Variants in GRIK2 observed in about 807,000 individuals in gnomAD.
GRIK2 encodes glutamate receptor ionotropic, kainate 2.
In GRIK2, 32 loss-of-function variants were observed where a neutral mutation model predicts 100.3. The observed-to-expected ratio is 0.32, with a 90% CI of 0.24 to 0.43. GRIK2 has a LOEUF of 0.43. Among genes scored for constraint, GRIK2 ranks in the 20% least tolerant of loss-of-function variants. The pLI, the probability that GRIK2 is intolerant of heterozygous loss-of-function variation, is 1.00. For missense variants in GRIK2, 843 were observed against 1,114.9 expected (o/e 0.76, Z 3.47); for synonymous variants, 417 against 389.4 (o/e 1.07, Z -0.83).
At chr6:102,040,130 TAGAG>T (rs1770487838) in intron 15 of GRIK2, among the ~76,000 whole-genome samples, 1 of 151,458 alleles carries the variant, frequency 6.6e-6, no homozygotes, top group Admixed American at 6.6e-5. Context: ...AGTCATATAA[TAGAG>T]AATTACTGAA....
intron 2 of GRIK2, among the ~76,000 whole-genome samples, chr6:101,425,958 T>G (rs1461611528): frequency 6.6e-6 from 1 of 152,190 alleles, no homozygotes; most frequent in Non-Finnish European, 1.5e-5. Flanking sequence ...CCTCGTGAAT[T>G]TCCTTTTTGT....
chr6:101,486,160 C>A (rs1378660181), intron 2 of GRIK2, among the ~76,000 whole-genome samples: 2 of 151,948 alleles, frequency 1.3e-5, no homozygotes, highest in Admixed American at 1.3e-4. Context: ...AGTCTCCTCT[C>A]CCTAGAATAT....
chr6:101,800,410 G>A (rs889200848), intron 8 of GRIK2, among the ~76,000 whole-genome samples: 2 of 151,746 alleles, frequency 1.3e-5, no homozygotes, highest in African/African-American at 4.8e-5. Flanking sequence ...ATACAAATAT[G>A]TATACGTATA....
chr6:101,904,512 A>G (rs1381462811), intron 12 of GRIK2, among the ~76,000 whole-genome samples: 1 of 151,512 alleles, frequency 6.6e-6, no homozygotes, highest in Non-Finnish European at 1.5e-5. Flanking sequence ...TGGTCTTAGG[A>G]CAACCTGTTA....
chr6:101,549,955 C>G (rs757005606), intron 2 of GRIK2, among the ~76,000 whole-genome samples: 17 of 152,294 alleles, frequency 1.1e-4, no homozygotes, highest in Admixed American at 2.0e-4. Context: ...GCACCCAAGC[C>G]TCTGTCTCCA....
intron 7 of GRIK2, among the ~76,000 whole-genome samples, chr6:101,710,687 C>G (rs1015630232): frequency 6.6e-6 from 1 of 151,926 alleles, no homozygotes; most frequent in African/African-American, 2.4e-5. Context: ...TCCACTGTTT[C>G]AATCCTACAG....
intron 2 of GRIK2, among the ~76,000 whole-genome samples, chr6:101,603,355 T>G (rs1412215646): frequency 6.6e-6 from 1 of 151,668 alleles, no homozygotes; most frequent in Non-Finnish European, 1.5e-5. Flanking sequence ...GATAGAAGTA[T>G]GAGCTGGTGG....
chr6:101,496,214 T>C (rs1773436713), intron 2 of GRIK2, among the ~76,000 whole-genome samples: 1 of 152,174 alleles, frequency 6.6e-6, no homozygotes, highest in Non-Finnish European at 1.5e-5. Flanking sequence ...CCCAAAGTGC[T>C]GGGGTTACAG....
At chr6:101,724,810 G>A (rs1449638720) in intron 7 of GRIK2, among the ~76,000 whole-genome samples, 1 of 151,976 alleles carries the variant, frequency 6.6e-6, no homozygotes, top group Non-Finnish European at 1.5e-5. Flanking sequence ...TAAGTGATAT[G>A]CCTGAAAAAT....
chr6:102,044,848 A>G lies in GRIK2; in HGVS notation c.2311+9282A>G, dbSNP rs528031887. On this transcript the variant is annotated intron_variant, in intron 15 of 16. Transcript: ENST00000369134. ...TTTTCTGGTTGAATTCTCTCATCCA[A>G]ATAAATTTCTTATGCTGACCTTTTC... Among the ~76,000 whole-genome samples, 17 of 152,038 alleles carry G rather than the reference A, an allele frequency of 1.1e-4. No homozygotes were observed. The South Asian group carries it at 3.5e-3, about 32-fold the overall frequency.
intron 7 of GRIK2, among the ~76,000 whole-genome samples, chr6:101,752,090 C>G (rs183162831): frequency 6.6e-6 from 1 of 152,292 alleles, no homozygotes; most frequent in East Asian, 1.9e-4. Flanking sequence ...TTATTTACCA[C>G]TTTTCAAAAT....
At chr6:101,466,253 G>A (rs1771639050) in intron 2 of GRIK2, among the ~76,000 whole-genome samples, 1 of 151,816 alleles carries the variant, frequency 6.6e-6, no homozygotes, top group Non-Finnish European at 1.5e-5. Context: ...AAGAAGCACA[G>A]TTATAGTTTA....
rs772135315 is a variant in GRIK2, at chr6:101,626,434, C to T, written c.338C>T (p.Ser113Leu). The change falls in exon 4 of 17, where the codon TCA becomes TTA. Residue 113 changes from serine to leucine, a missense_variant. Physicochemically the swap from Ser to Leu is moderately radical, Grantham distance 145. Coordinates refer to ENST00000369134, the MANE Select transcript of GRIK2 (RefSeq NM_021956.5). ...VAAIFGPSHSSSANAVQSICN... is the reference protein window; with the variant it reads ...VAAIFGPSHSLSANAVQSICN... ...GCCATCTTCGGGCCTTCACACAGCT[C>T]ATCAGCAAACGCAGTGCAGTCCATC... 13 of 1,613,752 alleles carry T rather than the reference C, an allele frequency of 8.1e-6. No homozygotes were observed. Among genetic ancestry groups the T allele is most frequent in the Non-Finnish European group, 1.1e-5 (13 of 1,179,808 alleles).
intron 2 of GRIK2, among the ~76,000 whole-genome samples, chr6:101,402,207 C>G (rs1213571392): frequency 2.0e-5 from 3 of 152,120 alleles, no homozygotes; most frequent in African/African-American, 7.2e-5. Flanking sequence ...CCGCGCTTCC[C>G]TCTCCCTCTC....
chr6:101,510,599 T>C lies in GRIK2; in HGVS notation c.115+111207T>C, dbSNP rs529668120. Among the ~76,000 whole-genome samples the C allele has an allele frequency of 2.2e-5, 3 of 134,350 alleles. No homozygotes were observed. The East Asian group carries it at 7.8e-4, about 35-fold the overall frequency. The allele number at this position is 134,350 out of a possible 152,430, so 88.1% of individuals were successfully genotyped here. ...GTGCAGTGGCATGATCTCGGCTCAA[T>C]GCAACCTCTTCCTCCTGGGTTCAAG... On this transcript the variant is annotated intron_variant, in intron 2 of 16. Transcript: ENST00000369134.
chr6:101,888,133 C>T (rs1027903095), intron 11 of GRIK2, among the ~76,000 whole-genome samples: 4 of 152,120 alleles, frequency 2.6e-5, no homozygotes, highest in Non-Finnish European at 5.9e-5. Flanking sequence ...CCCTTTCCAT[C>T]TGTACAAATT....
chr6:101,431,180 C>T, intron 2 of GRIK2: 1 of 219,372 alleles, frequency 4.6e-6, no homozygotes, highest in Admixed American at 4.7e-5. Flanking sequence ...CCACATGCAG[C>T]TCATTGCAGA....
In GRIK2 at chr6:102,024,813, A is replaced by G. The variant is rs181611914; in HGVS notation, c.2086-10528A>G. 3.4e-4 allele frequency among the ~76,000 whole-genome samples: 52 copies of G among 151,110 alleles called. No homozygotes were observed. In the East Asian group the frequency reaches 9.0e-3, roughly 26 times the overall value. ...TATATACATATATTTTTCTTATTGA[A>G]TGAAGCCATGAACAGAATATGAGAA... On this transcript the variant is annotated intron_variant, in intron 14 of 16. Coordinates refer to ENST00000369134, the MANE Select transcript of GRIK2 (RefSeq NM_021956.5).
intron 2 of GRIK2, among the ~76,000 whole-genome samples, chr6:101,544,475 TGA>T: frequency 6.6e-6 from 1 of 152,278 alleles, no homozygotes; most frequent in East Asian, 1.9e-4. Context: ...TGGAAGTGTG[TGA>T]GTGACTCAAT....
Sources: gnomAD v4.1 joint callset for allele counts (sites outside exome capture counted in the v4.1 genomes callset) on GRCh38, gnomAD v4.1.1 for gene constraint, MANE v1.5 for transcripts, NCBI Gene and HGNC (gene_info 2026-07-23, HGNC 2026-07-21) for gene names.